SMYD3: variants seen among roughly 807,000 people sequenced by gnomAD.
The protein encoded by SMYD3 is histone-lysine N-methyltransferase SMYD3.
In SMYD3, 36 loss-of-function variants were observed where a neutral mutation model predicts 57.7. That is an observed-to-expected ratio of 0.62 (90% confidence interval 0.48 to 0.82). The LOEUF (loss-of-function observed/expected upper bound fraction) is 0.82, where lower values mean the gene tolerates loss of function less well. Among genes scored for constraint, SMYD3 ranks in the 40% least tolerant of loss-of-function variants. SMYD3 has a pLI of 0.00. For synonymous variants in SMYD3, 211 were observed against 195.0 expected, an observed-to-expected ratio of 1.08 and a Z score of -0.68; for missense variants, 515 against 538.8, an observed-to-expected ratio of 0.96 and a Z score of 0.44.
chr1:245,808,733 T>G (rs188385112), intron 10 of SMYD3, among the ~76,000 whole-genome samples: 141 of 152,298 alleles, frequency 9.3e-4, no homozygotes, highest in African/African-American at 3.3e-3. Flanking sequence ...TGCTTTTTTT[T>G]GGAAATAAAT....
intron 5 of SMYD3, among the ~76,000 whole-genome samples, chr1:246,188,717 T>C (rs1469516684): frequency 6.6e-6 from 1 of 152,050 alleles, no homozygotes; most frequent in South Asian, 2.1e-4. Flanking sequence ...TCCCAACACT[T>C]TGGGGGGCCA....
chr1:246,396,430 T>C lies in SMYD3; in HGVS notation c.165-41336A>G, dbSNP rs577891952. Among the ~76,000 whole-genome samples the C allele has an allele frequency of 3.8e-4, 58 of 152,322 alleles. 1 individual carries two copies. The highest frequency in any genetic ancestry group is 1.3e-3 in the African/African-American group (55 of 41,580). On this transcript the variant is annotated intron_variant, in intron 1 of 11. Coordinates refer to ENST00000490107, the MANE Select transcript of SMYD3 (RefSeq NM_001167740.2). ...TTTCTGCTCCCTCCTTAGCATCCTA[T>C]CTGGACCATCAGACAGCTTCTGGAT...
At chr1:245,836,306 G>A (rs1293659277) in intron 10 of SMYD3, among the ~76,000 whole-genome samples, 1 of 152,132 alleles carries the variant, frequency 6.6e-6, no homozygotes, top group Non-Finnish European at 1.5e-5. Context: ...GATTTCAAAC[G>A]AGTCTGAAAA....
At chr1:246,272,120 T>C (rs966829466) in intron 5 of SMYD3, among the ~76,000 whole-genome samples, 1 of 152,252 alleles carries the variant, frequency 6.6e-6, no homozygotes, top group Non-Finnish European at 1.5e-5. Flanking sequence ...CGGATTTTTG[T>C]GTATTCACGT....
intron 5 of SMYD3, among the ~76,000 whole-genome samples, chr1:245,968,885 G>A (rs1274448990): frequency 6.6e-6 from 1 of 152,144 alleles, no homozygotes; most frequent in Non-Finnish European, 1.5e-5. Context: ...TCCCAGTGCT[G>A]GTGGAAGATG....
At chr1:246,225,492 G>A (rs2063317727) in intron 5 of SMYD3, among the ~76,000 whole-genome samples, 1 of 152,144 alleles carries the variant, frequency 6.6e-6, no homozygotes, top group African/African-American at 2.4e-5. Flanking sequence ...CAGGGGAGAA[G>A]GAAGAGACAA....
At chr1:246,194,272 GT>G (rs372181316) in intron 5 of SMYD3, among the ~76,000 whole-genome samples, 3,772 of 144,322 alleles carry the variant, frequency 0.026, 51 homozygotes, top group East Asian at 0.043. Flanking sequence ...GGGTTTTTTT[GT>G]TTTTTTTTTT....
At chr1:246,479,502 ATTTTT>A (rs35818746) in intron 1 of SMYD3, among the ~76,000 whole-genome samples, 16 of 107,636 alleles carry the variant, frequency 1.5e-4, no homozygotes, top group Non-Finnish European at 1.2e-4. Flanking sequence ...AAAAAGCGGG[ATTTTT>A]TTTTTTTTTT....
At chr1:246,391,377 TGA>T (rs746811956) in intron 1 of SMYD3, among the ~76,000 whole-genome samples, 9 of 117,364 alleles carry the variant, frequency 7.7e-5, no homozygotes, top group South Asian at 3.3e-4. Context: ...GAGACCTTAT[TGA>T]GAGAGAGAGA....
At chr1:246,253,893 G>C (rs1316407350) in intron 5 of SMYD3, among the ~76,000 whole-genome samples, 2 of 152,180 alleles carry the variant, frequency 1.3e-5, no homozygotes, top group Admixed American at 6.5e-5. Flanking sequence ...TCGAATGGTA[G>C]TTCTGCTTTA....
At chr1:246,422,110 TA>T (rs1223600763) in intron 1 of SMYD3, among the ~76,000 whole-genome samples, 2 of 152,274 alleles carry the variant, frequency 1.3e-5, no homozygotes, top group African/African-American at 4.8e-5. Context: ...GGAGACAGAA[TA>T]GCATGACACT....
At chr1:245,928,292 T>C (rs1342770785) in intron 6 of SMYD3, among the ~76,000 whole-genome samples, 1 of 152,158 alleles carries the variant, frequency 6.6e-6, no homozygotes, top group Admixed American at 6.5e-5. Context: ...TGAGTCCTTT[T>C]TGGGGATTGG....
At chr1:246,227,695 A>G (rs1016577988) in intron 5 of SMYD3, among the ~76,000 whole-genome samples, 1 of 152,172 alleles carries the variant, frequency 6.6e-6, no homozygotes, top group Admixed American at 6.5e-5. Context: ...ACTCCGTCCT[A>G]AAGATTCCAG....
At chr1:246,038,501 C>T (rs1254362331) in intron 5 of SMYD3, among the ~76,000 whole-genome samples, 4 of 152,150 alleles carry the variant, frequency 2.6e-5, no homozygotes, top group Non-Finnish European at 4.4e-5. Context: ...CCAGGACGTA[C>T]CTATCCACAT....
intron 5 of SMYD3, among the ~76,000 whole-genome samples, chr1:245,998,981 C>T (rs2058984684): frequency 6.6e-6 from 1 of 151,828 alleles, no homozygotes; most frequent in South Asian, 2.1e-4. Context: ...TTGGTGGTGT[C>T]CAGGGTTGAG....
chr1:246,489,072 C>G (rs1012006088), intron 1 of SMYD3, among the ~76,000 whole-genome samples: 1 of 152,084 alleles, frequency 6.6e-6, no homozygotes, highest in Non-Finnish European at 1.5e-5. Context: ...GCAGGCCGGG[C>G]GCGGTGGTTC....
At chr1:245,969,139 G>C (rs1277402041) in intron 5 of SMYD3, among the ~76,000 whole-genome samples, 1 of 152,156 alleles carries the variant, frequency 6.6e-6, no homozygotes, top group Admixed American at 6.5e-5. Flanking sequence ...AGCCAGAAGG[G>C]GAGGCAAAAG....
At chr1:246,047,197 A>C (rs2059982762) in intron 5 of SMYD3, among the ~76,000 whole-genome samples, 1 of 152,204 alleles carries the variant, frequency 6.6e-6, no homozygotes, top group Non-Finnish European at 1.5e-5. Context: ...ACAGTAAAGA[A>C]AAGTGTGCAA....
chr1:245,930,436 G>A, intron 5 of SMYD3: 2 of 327,370 alleles, frequency 6.1e-6, no homozygotes, highest in South Asian at 5.3e-5. Context: ...GATGCGTGTT[G>A]GTGAAGACCA....
Sources: allele counts gnomAD v4.1 joint callset (sites outside exome capture counted in the v4.1 genomes callset), GRCh38; gene constraint gnomAD v4.1.1; transcripts MANE v1.5; gene names NCBI Gene and HGNC (gene_info 2026-07-23, HGNC 2026-07-21).